PI4KB: variants seen among roughly 807,000 people sequenced by gnomAD.
PI4KB encodes PtdIns 4-kinase beta.
A neutral mutation model predicts 81.4 loss-of-function variants in PI4KB; 23 were observed. The ratio of observed to expected loss-of-function variants is 0.28; its 90% CI spans 0.20 to 0.40. PI4KB has a LOEUF of 0.40. Ranked by LOEUF, PI4KB falls within the 10% of genes least tolerant of loss-of-function variation. The pLI is 1.00. For synonymous variants in PI4KB, 381 were observed against 406.8 expected (o/e 0.94, Z 0.76); for missense variants, 651 against 1,036.6 (o/e 0.63, Z 5.11).
At chr1:151,326,874 G>A (rs1169449851) in intron 1 of PI4KB, among the ~76,000 whole-genome samples, 1 of 152,106 alleles carries the variant, frequency 6.6e-6, no homozygotes, top group South Asian at 2.1e-4. Context: ...GTGCAAACTA[G>A]GAAAAGAGAT....
chr1:151,301,736 C>T (rs1695303243), intron 8 of PI4KB, 108 bp downstream of exon 8: 3 of 1,009,750 alleles, frequency 3.0e-6, no homozygotes, highest in Non-Finnish European at 4.4e-6. Context: ...GTTTCACCAT[C>T]TTGGCCAGGC....
intron 2 of PI4KB, among the ~76,000 whole-genome samples, chr1:151,310,670 C>T (rs1317639655): frequency 2.0e-5 from 3 of 152,132 alleles, no homozygotes; most frequent in Admixed American, 6.5e-5. Flanking sequence ...GGGACCACCA[C>T]AGGACTGAAC....
rs761275142 is a variant in PI4KB, at chr1:151,306,246, C to T, written c.1300G>A (p.Glu434Lys). The T allele has an allele frequency of 8.7e-6, 14 of 1,613,996 alleles. No individual in the cohort carries two copies. In the East Asian group the frequency reaches 1.6e-4, roughly 18 times the overall value. ...RSTRSVENLP[E>K]CGITHEQRAG... is the part of the protein sequence containing the mutation. The stretch of plus-strand genomic sequence containing the variant: ...CGCTGCTCATGGGTAATACCACATT[C>T]GGGCAAGTTTTCTACGGACCTCGTA... Residue 434 changes from glutamate (E) to lysine (K), a missense_variant, in exon 5 of 12, where the codon GAA becomes AAA. Glu to Lys is a moderately conservative substitution (Grantham distance 56). This residue lies in a region of PI4KB where 246 missense variants were observed against 430.1 expected (regional missense o/e 0.57). Coordinates refer to ENST00000368873, the MANE Select transcript of PI4KB (RefSeq NM_001369623.2).
At chr1:151,313,934 C>T (rs949891370) in intron 2 of PI4KB, among the ~76,000 whole-genome samples, 1 of 152,244 alleles carries the variant, frequency 6.6e-6, no homozygotes, top group African/African-American at 2.4e-5. Context: ...GGCAAAACAT[C>T]TAATCTTTCT....
At chr1:151,314,423 C>G (rs920023880) in intron 2 of PI4KB, among the ~76,000 whole-genome samples, 5 of 152,292 alleles carry the variant, frequency 3.3e-5, no homozygotes, top group Admixed American at 6.5e-5. Context: ...GCAGCTTTCC[C>G]TGCTATCTGT....
In PI4KB at chr1:151,298,982, A is replaced by G. The variant is rs991456438; in HGVS notation, c.1841T>C (p.Val614Ala). 3 of 1,614,120 alleles carry G rather than the reference A, an allele frequency of 1.9e-6. No individual in the cohort carries two copies. Among genetic ancestry groups the G allele is most frequent in the African/African-American group, 2.7e-5 (2 of 75,034 alleles). Residue 614 changes from valine (V) to alanine (A), a missense_variant, in exon 9 of 12, where the codon GTC (valine) becomes GCC (alanine). Physicochemically the swap from Val to Ala is moderately conservative, Grantham distance 64. Around this residue, in one of 5 missense-constraint regions of PI4KB, gnomAD observed 246 missense variants for 430.1 expected, o/e 0.57. Transcript: ENST00000368873. ...CACCTGATGGATGGACACAGCATTGACCACTGGTTCAATCATGCCACTATC... is the reference window on the plus strand; with the variant it reads ...CACCTGATGGATGGACACAGCATTGGCCACTGGTTCAATCATGCCACTATC... The part of the protein sequence containing the change: ...SADSGMIEPV[V>A]NAVSIHQVKK...
chr1:151,293,457 G>A lies in PI4KB; in HGVS notation c.2270-424C>T, dbSNP rs148244140. 1,095 of 1,221,022 alleles carry A rather than the reference G, an allele frequency of 9.0e-4. 16 individuals carry two copies. In the African/African-American group the frequency reaches 0.016, roughly 18 times the overall value. 75.6% of individuals were successfully genotyped at this position (1,221,022 alleles called of 1,614,324 possible). A position where few individuals can be genotyped will look rare whatever the true frequency, so the allele number is the denominator to read the frequency against. On this transcript the variant is annotated intron_variant, in intron 11 of 11. Transcript: ENST00000368873. ...GATGGGGATGATCCTGAGCAACGGC[G>A]ACAACCTGTGGGGTAGGGGCAGGAA...
At chr1:151,326,998 G>A (rs1481180742) in intron 1 of PI4KB, among the ~76,000 whole-genome samples, 1 of 152,144 alleles carries the variant, frequency 6.6e-6, no homozygotes, top group Non-Finnish European at 1.5e-5. Flanking sequence ...TTAAAAAAAA[G>A]AATTATTCGA....
In PI4KB at chr1:151,324,697, G is replaced by C; in HGVS notation, c.-29+2574C>G. The C allele has an allele frequency of 5.3e-6, 5 of 935,274 alleles. No individual in the cohort carries two copies. In the South Asian group the frequency reaches 2.5e-4, roughly 46 times the overall value. The allele number at this position is 935,274 out of a possible 1,614,324, so 57.9% of individuals were successfully genotyped here. A position where few individuals can be genotyped will look rare whatever the true frequency, so the allele number is the denominator to read the frequency against. On this transcript the variant is annotated intron_variant, in intron 1 of 11. Transcript: ENST00000368873. ...AGCCAGACAGCCCAAGCCAGCTATG[G>C]GAGCCGCTACTGAAACAGATGGCAA...
chr1:151,308,753 C>T (rs188210556), intron 3 of PI4KB, among the ~76,000 whole-genome samples: 9 of 152,264 alleles, frequency 5.9e-5, no homozygotes, highest in Middle Eastern at 3.4e-3. Context: ...GCCCTTCTAC[C>T]GTAAGGGGCA....
At chr1:151,310,135 C>G (rs1696092204) in intron 3 of PI4KB, 76 bp downstream of exon 3, 1 of 1,062,992 alleles carries the variant, frequency 9.4e-7, no homozygotes, top group African/African-American at 1.6e-5. Context: ...CCTGGGGGCT[C>G]AGAAGACCTG....
chr1:151,295,873 T>G (rs1289769179), intron 9 of PI4KB, among the ~76,000 whole-genome samples: 1 of 152,198 alleles, frequency 6.6e-6, no homozygotes, highest in Non-Finnish European at 1.5e-5. Context: ...AGGACTGAGC[T>G]CTAGGCTCCC....
intron 2 of PI4KB, 38 bp from the exon 3 acceptor site, chr1:151,310,293 G>T (rs750411681): frequency 9.8e-6 from 12 of 1,227,394 alleles, no homozygotes; most frequent in East Asian, 2.4e-5. Flanking sequence ...GAAGGAGGGG[G>T]TGGGAAGGGA....
Position 151,303,637 on chromosome 1 carries a change from T to C in PI4KB, c.1424A>G (p.His475Arg), listed in dbSNP as rs377615591. ...GGAGATGTTGTCACAGCTGTTGGTA[T>C]GCACTTCGGGGAGCTGGAGAAAGGG... is the stretch of plus-strand genomic sequence containing the variant. ...GELQVELPEV[H>R]TNSCDNISQF... The change falls in exon 6 of 12, where the codon CAT becomes CGT. Residue 475 changes from histidine to arginine, a missense_variant. Coordinates refer to ENST00000368873, the MANE Select transcript of PI4KB (RefSeq NM_001369623.2). 6.2e-6 allele frequency: 10 copies of C among 1,613,184 alleles called. No individual in the cohort carries two copies. The highest frequency in any genetic ancestry group is 6.8e-6 in the Non-Finnish European group (8 of 1,179,280).
chr1:151,306,381 C>T lies in PI4KB; in HGVS notation c.1183-18G>A. 1 of 1,536,276 alleles carries T rather than the reference C, an allele frequency of 6.5e-7. No individual in the cohort carries two copies. Among genetic ancestry groups the T allele is most frequent in the Non-Finnish European group, 9.0e-7 (1 of 1,109,424 alleles). ...TAGGGAGCCTGGGGGAAGAGTGAGACAGTATTTGCAACTTACTTCCACCAC... is the reference window on the plus strand; with the variant it reads ...TAGGGAGCCTGGGGGAAGAGTGAGATAGTATTTGCAACTTACTTCCACCAC... On this transcript the variant is annotated intron_variant, in intron 4 of 11. Coordinates refer to ENST00000368873, the MANE Select transcript of PI4KB (RefSeq NM_001369623.2).
chr1:151,324,983 AGCT>A, intron 1 of PI4KB: 1 of 715,508 alleles, frequency 1.4e-6, no homozygotes, highest in Non-Finnish European at 1.7e-6. Context: ...CAAGGAGGAA[AGCT>A]GCTTTTTTTT....
In PI4KB at chr1:151,316,250, C is replaced by T. The variant is rs1240264890; in HGVS notation, c.232G>A (p.Val78Ile). The change falls in exon 2 of 12, where the codon GTC becomes ATC. Residue 78 changes from valine to isoleucine, a missense_variant. This residue lies in a region of PI4KB where 314 missense variants were observed against 397.8 expected (regional missense o/e 0.79). Coordinates refer to ENST00000368873, the MANE Select transcript of PI4KB (RefSeq NM_001369623.2). ...TCACTGTCCACACCATCCCCATTGACCAACTCCAGTGGGGTGCCTCTGCTA... is the reference window on the plus strand; with the variant it reads ...TCACTGTCCACACCATCCCCATTGATCAACTCCAGTGGGGTGCCTCTGCTA... The part of the protein sequence containing the change: ...VSSRGTPLEL[V>I]NGDGVDSEIR... 6.2e-7 allele frequency: 1 copy of T among 1,614,170 alleles called. No individual in the cohort carries two copies.
At chr1:151,302,577 C>CTTTT (rs144203698) in intron 6 of PI4KB, among the ~76,000 whole-genome samples, 1 of 133,794 alleles carries the variant, frequency 7.5e-6, no homozygotes, top group Admixed American at 7.7e-5. Context: ...CTTTTCTTTT[C>CTTTT]TTTTTTTTTT....
intron 1 of PI4KB, chr1:151,324,865 C>G: frequency 1.0e-6 from 1 of 985,230 alleles, no homozygotes; most frequent in Non-Finnish European, 1.2e-6. Flanking sequence ...CAAGGAATCT[C>G]AATTTGCTGC....
Sources: gnomAD v4.1 joint callset for allele counts (sites outside exome capture counted in the v4.1 genomes callset) on GRCh38, gnomAD v4.1.1 for gene constraint, gnomAD v4.1.1 regional missense constraint, MANE v1.5 for transcripts, NCBI Gene and HGNC (gene_info 2026-07-23, HGNC 2026-07-21) for gene names.